Variants in UBE2E2 observed in about 807,000 individuals in gnomAD.
UBE2E2 encodes the protein ubiquitin-conjugating enzyme E2 E2.
Under a neutral mutation model 24.7 loss-of-function variants are expected in UBE2E2, and 6 were observed. That is an observed-to-expected ratio of 0.24 (90% CI 0.13 to 0.48). The LOEUF (loss-of-function observed/expected upper bound fraction) is 0.48. Among genes scored for constraint, UBE2E2 ranks in the 20% least tolerant of loss-of-function variants. The pLI, the probability that UBE2E2 is intolerant of heterozygous loss-of-function variation, is 0.99. For missense variants in UBE2E2, 169 were observed against 245.0 expected (o/e 0.69, Z 2.07); for synonymous variants, 104 against 83.6 (o/e 1.24, Z -1.33).
chr3:23,473,105 C>T (rs1225093441), intron 3 of UBE2E2, among the ~76,000 whole-genome samples: 1 of 151,946 alleles, frequency 6.6e-6, no homozygotes, highest in Non-Finnish European at 1.5e-5. Context: ...TCCATGGCAC[C>T]TGATTTAAAT....
chr3:23,451,430 G>A (rs1025224547), intron 3 of UBE2E2, among the ~76,000 whole-genome samples: 2 of 152,166 alleles, frequency 1.3e-5, no homozygotes, highest in Admixed American at 6.5e-5. Context: ...CTGAGGCATG[G>A]AATAAAGAGT....
At chr3:23,525,853 G>A (rs192649467) in intron 4 of UBE2E2, among the ~76,000 whole-genome samples, 211 of 152,330 alleles carry the variant, frequency 1.4e-3, no homozygotes, top group African/African-American at 4.7e-3. Context: ...TAGGTTAAGG[G>A]TGGGAAGACT....
rs1263786066 is a variant in UBE2E2, at chr3:23,534,306, AAAG to A, written c.508+1607_508+1609del. 109 of 936,408 alleles carry A rather than the reference AAAG, an allele frequency of 1.2e-4. No homozygotes were observed. In the South Asian group the frequency reaches 4.6e-3, roughly 40 times the overall value. 58.0% of individuals were successfully genotyped at this position (936,408 alleles called of 1,614,324 possible). A position where few individuals can be genotyped will look rare whatever the true frequency, so the allele number is the denominator to read the frequency against. On this transcript the variant is annotated intron_variant, in intron 5 of 5. Coordinates refer to ENST00000396703, the MANE Select transcript of UBE2E2 (RefSeq NM_152653.4). ...ACCAAAGCCTTCTCTCAGCAATCAA[AAAG>A]ACTTCTGTTCAGTGAACTAGTTTTT...
chr3:23,549,213 G>A (rs1330655084), intron 5 of UBE2E2, among the ~76,000 whole-genome samples: 1 of 152,152 alleles, frequency 6.6e-6, no homozygotes, highest in Non-Finnish European at 1.5e-5. Flanking sequence ...GTAATGGATG[G>A]CAAGGTTTTA....
At chr3:23,369,795 G>A (rs71322175) in intron 3 of UBE2E2, among the ~76,000 whole-genome samples, 1 of 152,032 alleles carries the variant, frequency 6.6e-6, no homozygotes, top group African/African-American at 2.4e-5. Context: ...ATCCAGTGAT[G>A]TTTTTATATA....
intron 4 of UBE2E2, among the ~76,000 whole-genome samples, chr3:23,507,599 A>G (rs527376656): frequency 6.6e-6 from 1 of 152,364 alleles, no homozygotes; most frequent in East Asian, 1.9e-4. Flanking sequence ...CACAGGCCAC[A>G]AAGGAAGTAG....
intron 3 of UBE2E2, among the ~76,000 whole-genome samples, chr3:23,289,606 A>G (rs1698706891): frequency 6.6e-6 from 1 of 152,242 alleles, no homozygotes; most frequent in African/African-American, 2.4e-5. Flanking sequence ...TGTTACCATA[A>G]GTAGAGTGCA....
intron 5 of UBE2E2, among the ~76,000 whole-genome samples, chr3:23,560,901 T>A (rs1428166689): frequency 1.3e-5 from 2 of 152,234 alleles, no homozygotes; most frequent in Non-Finnish European, 2.9e-5. Context: ...CTTTGCCCAC[T>A]TTTTGATGGG....
chr3:23,446,325 G>T (rs1181036431), intron 3 of UBE2E2, among the ~76,000 whole-genome samples: 1 of 152,184 alleles, frequency 6.6e-6, no homozygotes, highest in African/African-American at 2.4e-5. Context: ...TTGGCAGTGT[G>T]TGCCCATAAC....
At chr3:23,445,221 G>C (rs1253698521) in intron 3 of UBE2E2, among the ~76,000 whole-genome samples, 2 of 152,176 alleles carry the variant, frequency 1.3e-5, no homozygotes, top group Non-Finnish European at 2.9e-5. Flanking sequence ...GACAGCCATA[G>C]AATAAAGTAT....
At chr3:23,433,793 A>G (rs561368751) in intron 3 of UBE2E2, among the ~76,000 whole-genome samples, 1 of 152,106 alleles carries the variant, frequency 6.6e-6, no homozygotes, top group South Asian at 2.1e-4. Context: ...ATAAATTTAC[A>G]ACTTCCAAGA....
chr3:23,514,063 A>C (rs1422672626), intron 4 of UBE2E2, among the ~76,000 whole-genome samples: 2 of 152,220 alleles, frequency 1.3e-5, no homozygotes, highest in Non-Finnish European at 2.9e-5. Flanking sequence ...ACAAGGCCCT[A>C]CGTGATCTCT....
intron 3 of UBE2E2, among the ~76,000 whole-genome samples, chr3:23,272,247 C>G (rs1435701999): frequency 6.6e-6 from 1 of 152,194 alleles, no homozygotes; most frequent in East Asian, 1.9e-4. Flanking sequence ...CCGGCGCTCC[C>G]TGGCCTGGGT....
intron 5 of UBE2E2, among the ~76,000 whole-genome samples, chr3:23,552,246 C>T (rs1241590372): frequency 3.3e-5 from 5 of 152,096 alleles, no homozygotes; most frequent in East Asian, 3.9e-4. Flanking sequence ...CCTAGCTACT[C>T]GGAGGCCAAG....
At chr3:23,415,439 A>G (rs370642093) in intron 3 of UBE2E2, among the ~76,000 whole-genome samples, 1 of 152,236 alleles carries the variant, frequency 6.6e-6, no homozygotes, top group East Asian at 1.9e-4. Context: ...CTTTGCTACC[A>G]TAGTATAGGA....
intron 3 of UBE2E2, among the ~76,000 whole-genome samples, chr3:23,278,209 A>G (rs566289575): frequency 5.1e-4 from 78 of 152,268 alleles, no homozygotes; most frequent in Non-Finnish European, 9.3e-4. Context: ...ATATTAACAC[A>G]TAATTAAGTT....
intron 3 of UBE2E2, among the ~76,000 whole-genome samples, chr3:23,255,102 T>C (rs1426918744): frequency 7.5e-6 from 1 of 133,304 alleles, no homozygotes; most frequent in Admixed American, 7.5e-5. Context: ...TTTTTTTTTT[T>C]TTGAGACAGG....
chr3:23,360,161 A>G (rs1696071389), intron 3 of UBE2E2, among the ~76,000 whole-genome samples: 1 of 152,214 alleles, frequency 6.6e-6, no homozygotes, highest in African/African-American at 2.4e-5. Flanking sequence ...TTACTGTAAG[A>G]CATCATTATT....
intron 4 of UBE2E2, among the ~76,000 whole-genome samples, chr3:23,503,165 AT>A (rs1694322952): frequency 1.4e-5 from 2 of 147,926 alleles, no homozygotes; most frequent in African/African-American, 2.5e-5. Context: ...TTTTTTTGTC[AT>A]TTGGTTGGTT....
Sources: gnomAD v4.1 joint callset for allele counts (sites outside exome capture counted in the v4.1 genomes callset) on GRCh38, gnomAD v4.1.1 for gene constraint, MANE v1.5 for transcripts, NCBI Gene and HGNC (gene_info 2026-07-23, HGNC 2026-07-21) for gene names.